Variants in ADAMTS3 observed in about 807,000 individuals in gnomAD.
ADAMTS3 encodes the protein A disintegrin and metalloproteinase with thrombospondin motifs 3.
In ADAMTS3, 73 loss-of-function variants were observed where a neutral mutation model predicts 129.0. The observed-to-expected ratio is 0.57, with a 90% CI of 0.47 to 0.69. The LOEUF is 0.69. Among genes scored for constraint, ADAMTS3 ranks in the 30% least tolerant of loss-of-function variants. The pLI is 0.00. For synonymous variants in ADAMTS3, 477 were observed against 510.8 expected, an observed-to-expected ratio of 0.93 and a Z score of 0.89; for missense variants, 1,457 against 1,514.5, an observed-to-expected ratio of 0.96 and a Z score of 0.63.
chr4:72,388,471 C>T (rs998542451), intron 4 of ADAMTS3, among the ~76,000 whole-genome samples: 7 of 152,198 alleles, frequency 4.6e-5, no homozygotes, highest in African/African-American at 1.7e-4. Context: ...CGTCACTACC[C>T]CTGGTGCTGC....
At chr4:72,309,627 A>G (rs1719178681) in intron 14 of ADAMTS3, 107 bp from the exon 15 acceptor site, 1 of 1,253,236 alleles carries the variant, frequency 8.0e-7, no homozygotes, top group East Asian at 2.4e-5. Context: ...CAGTCAGCCA[A>G]TTTATAGCAA....
At chr4:72,312,203 G>T in intron 13 of ADAMTS3, 88 bp downstream of exon 13, 1 of 1,432,480 alleles carries the variant, frequency 7.0e-7, no homozygotes. Context: ...ACCACATAGG[G>T]ATCAAGAGTC....
At chr4:72,386,414 C>T (rs1048611889) in intron 4 of ADAMTS3, among the ~76,000 whole-genome samples, 1 of 151,670 alleles carries the variant, frequency 6.6e-6, no homozygotes, top group Admixed American at 6.6e-5. Flanking sequence ...TATTGGCAAA[C>T]AACATTTTGC....
intron 3 of ADAMTS3, among the ~76,000 whole-genome samples, chr4:72,486,280 A>C (rs908472198): frequency 6.6e-6 from 1 of 152,198 alleles, no homozygotes; most frequent in Admixed American, 6.5e-5. Context: ...ATCCAGTTCT[A>C]ATGTACTCCA....
chr4:72,364,942 A>G (rs1720831952), intron 4 of ADAMTS3, among the ~76,000 whole-genome samples: 1 of 152,118 alleles, frequency 6.6e-6, no homozygotes, highest in South Asian at 2.1e-4. Context: ...TGCACTTTCT[A>G]TGCTATATTA....
intron 3 of ADAMTS3, among the ~76,000 whole-genome samples, chr4:72,527,154 G>C (rs1720837996): frequency 6.6e-6 from 1 of 152,070 alleles, no homozygotes; most frequent in African/African-American, 2.4e-5. Flanking sequence ...AGACAGCCCT[G>C]ACAATCTGAC....
At chr4:72,415,407 A>G (rs1722279629) in intron 3 of ADAMTS3, among the ~76,000 whole-genome samples, 1 of 152,000 alleles carries the variant, frequency 6.6e-6, no homozygotes, top group South Asian at 2.1e-4. Context: ...TTACTTATTT[A>G]CATCTTCCCA....
At chr4:72,374,652 G>A (rs1319236977) in intron 4 of ADAMTS3, among the ~76,000 whole-genome samples, 2 of 152,008 alleles carry the variant, frequency 1.3e-5, no homozygotes, top group African/African-American at 4.8e-5. Flanking sequence ...CACATTGGTG[G>A]ATTATTTATT....
At chr4:72,360,311 C>G (rs552447123) in intron 4 of ADAMTS3, among the ~76,000 whole-genome samples, 3 of 151,994 alleles carry the variant, frequency 2.0e-5, no homozygotes, top group African/African-American at 7.2e-5. Context: ...ATGTCACAGT[C>G]TACTGAAAAG....
At chr4:72,550,628 C>A (rs141298306) in intron 2 of ADAMTS3, among the ~76,000 whole-genome samples, 1 of 152,260 alleles carries the variant, frequency 6.6e-6, no homozygotes, top group East Asian at 1.9e-4. Context: ...GCAGTCCCTG[C>A]TGAACTAGAC....
At chr4:72,546,088 G>A (rs1288571120) in intron 3 of ADAMTS3, among the ~76,000 whole-genome samples, 1 of 152,152 alleles carries the variant, frequency 6.6e-6, no homozygotes, top group Non-Finnish European at 1.5e-5. Context: ...AAGTCTTAAG[G>A]CAGGTAACTA....
At chr4:72,480,914 A>T (rs1277380708) in intron 3 of ADAMTS3, among the ~76,000 whole-genome samples, 3 of 152,036 alleles carry the variant, frequency 2.0e-5, no homozygotes, top group African/African-American at 7.2e-5. Context: ...TTTAATATCA[A>T]TAATGAATAT....
chr4:72,526,327 C>T (rs887011813), intron 3 of ADAMTS3, among the ~76,000 whole-genome samples: 2 of 152,090 alleles, frequency 1.3e-5, no homozygotes, highest in Non-Finnish European at 2.9e-5. Context: ...TTCACTAGCC[C>T]TAATGAAATT....
intron 21 of ADAMTS3, among the ~76,000 whole-genome samples, chr4:72,283,962 T>C (rs541703197): frequency 2.6e-4 from 39 of 152,226 alleles, no homozygotes; most frequent in African/African-American, 9.4e-4. Flanking sequence ...CCACAGAGGG[T>C]ATTTTTTTCT....
chr4:72,475,184 A>G (rs1020599283), intron 3 of ADAMTS3, among the ~76,000 whole-genome samples: 2 of 152,150 alleles, frequency 1.3e-5, no homozygotes, highest in African/African-American at 4.8e-5. Flanking sequence ...TACATTAAAT[A>G]TAAATAATGT....
intron 3 of ADAMTS3, among the ~76,000 whole-genome samples, chr4:72,516,542 G>A (rs907140743): frequency 6.6e-6 from 1 of 152,022 alleles, no homozygotes; most frequent in African/African-American, 2.4e-5. Context: ...TCCTTGAAGA[G>A]GTCCTTCATG....
intron 3 of ADAMTS3, among the ~76,000 whole-genome samples, chr4:72,488,186 GATTTA>G (rs1719639469): frequency 6.6e-6 from 1 of 151,898 alleles, no homozygotes; most frequent in South Asian, 2.1e-4. Flanking sequence ...TTGTGGTCTT[GATTTA>G]ATAGTGTTGT....
intron 3 of ADAMTS3, among the ~76,000 whole-genome samples, chr4:72,474,534 A>T (rs913381259): frequency 2.6e-5 from 4 of 152,136 alleles, no homozygotes; most frequent in Non-Finnish European, 5.9e-5. Context: ...TAGACTACAT[A>T]AAATAAACAG....
At chr4:72,314,369 G>C (rs1248889743) in intron 11 of ADAMTS3, among the ~76,000 whole-genome samples, 1 of 152,078 alleles carries the variant, frequency 6.6e-6, no homozygotes, top group Admixed American at 6.6e-5. Flanking sequence ...ACAATTAGAT[G>C]AGGAAAATTG....
Sources: gnomAD v4.1 joint callset for allele counts (sites outside exome capture counted in the v4.1 genomes callset) on GRCh38, gnomAD v4.1.1 for gene constraint, MANE v1.5 for transcripts, NCBI Gene and HGNC (gene_info 2026-07-23, HGNC 2026-07-21) for gene names.